Variants in GLB1 observed in about 807,000 individuals in gnomAD.
The protein encoded by GLB1 is galactosidase beta 1.
GLB1 carries 56 observed loss-of-function variants against 74.0 expected under a neutral mutation model. That is an observed-to-expected ratio of 0.76 (90% CI 0.61 to 0.94). The LOEUF (loss-of-function observed/expected upper bound fraction) is 0.94, where lower values mean the gene tolerates loss of function less well. Ranked by LOEUF, GLB1 falls within the 40% of genes least tolerant of loss-of-function variation. The pLI is 0.00. For synonymous variants in GLB1, 323 were observed against 323.6 expected (o/e 1.00, Z 0.02); for missense variants, 787 against 845.5 (o/e 0.93, Z 0.86).
chr3:32,966,211 G>A, the GLB1 span, among the ~76,000 whole-genome samples: 13 of 152,322 alleles, frequency 8.5e-5, no homozygotes, highest in Non-Finnish European at 1.5e-4. Context: ...GTGTCAGCCC[G>A]TTAAACCAGC....
At chr3:32,982,071 T>G in the GLB1 span, among the ~76,000 whole-genome samples, 1 of 152,184 alleles carries the variant, frequency 6.6e-6, no homozygotes, top group African/African-American at 2.4e-5. Flanking sequence ...CTCAGCACTT[T>G]GGGAGGCTGA....
At chr3:33,059,728 G>T (rs1300225350) in intron 5 of GLB1, among the ~76,000 whole-genome samples, 2 of 152,166 alleles carry the variant, frequency 1.3e-5, no homozygotes, top group African/African-American at 4.8e-5. Context: ...GACCTTGGTT[G>T]GTGTTTATGT....
At chr3:33,079,193 T>C (rs905945450) in intron 1 of GLB1, among the ~76,000 whole-genome samples, 1 of 152,166 alleles carries the variant, frequency 6.6e-6, no homozygotes, top group African/African-American at 2.4e-5. Flanking sequence ...GAGGTAGGTA[T>C]TGCCTGGGAA....
the GLB1 span, among the ~76,000 whole-genome samples, chr3:32,963,904 A>G: frequency 6.6e-6 from 1 of 152,236 alleles, no homozygotes; most frequent in Non-Finnish European, 1.5e-5. Flanking sequence ...ATGATGATGG[A>G]GAACTGACTA....
At chr3:32,971,403 C>T in the GLB1 span, among the ~76,000 whole-genome samples, 10 of 152,178 alleles carry the variant, frequency 6.6e-5, no homozygotes, top group African/African-American at 2.4e-4. Context: ...AGCCAGTGCC[C>T]GAGCTTCCTC....
chr3:32,971,204 C>G, the GLB1 span, among the ~76,000 whole-genome samples: 2 of 152,220 alleles, frequency 1.3e-5, no homozygotes, highest in East Asian at 3.8e-4. Flanking sequence ...ACATGCAATC[C>G]TTTAGATATT....
intron 10 of GLB1, among the ~76,000 whole-genome samples, chr3:33,037,291 C>T (rs1698322184): frequency 6.6e-6 from 1 of 152,106 alleles, no homozygotes; most frequent in Non-Finnish European, 1.5e-5. Flanking sequence ...GGTGATCTGC[C>T]TGCCTCGGCC....
At chr3:33,091,798 A>C in intron 1 of GLB1, 1 of 985,518 alleles carries the variant, frequency 1.0e-6, no homozygotes, top group South Asian at 4.7e-5. Context: ...TCACAAGCCT[A>C]AATCACCCAG....
chr3:33,058,418 A>C, intron 5 of GLB1, 149 bp from the exon 6 acceptor site: 3 of 1,086,954 alleles, frequency 2.8e-6, no homozygotes, highest in Non-Finnish European at 2.7e-6. Context: ...AGACCTCAAA[A>C]CTGACTAAAA....
intron 15 of GLB1, among the ~76,000 whole-genome samples, chr3:33,007,731 C>T (rs929394453): frequency 6.6e-6 from 1 of 152,162 alleles, no homozygotes; most frequent in African/African-American, 2.4e-5. Flanking sequence ...GGGGTCTGAA[C>T]CCTTTGACAC....
intron 1 of GLB1, chr3:33,096,793 G>T (rs1202513706): frequency 1.2e-5 from 16 of 1,345,856 alleles, no homozygotes; most frequent in South Asian, 1.1e-4. Flanking sequence ...ACGCACAAGC[G>T]ACCGAGCTGC....
chr3:33,051,334 C>A (rs778453942), intron 9 of GLB1, among the ~76,000 whole-genome samples: 1 of 150,328 alleles, frequency 6.7e-6, no homozygotes, highest in Non-Finnish European at 1.5e-5. Context: ...TGGTGGCTCA[C>A]GCCTGTAATC....
the GLB1 span, among the ~76,000 whole-genome samples, chr3:32,980,762 C>T: frequency 3.3e-5 from 5 of 151,606 alleles, no homozygotes; most frequent in African/African-American, 9.7e-5. Context: ...GACTGGGCCA[C>T]AGAGTGAGAC....
At chr3:33,096,069 G>A (rs929620687) in intron 1 of GLB1, among the ~76,000 whole-genome samples, 7 of 152,126 alleles carry the variant, frequency 4.6e-5, no homozygotes, top group African/African-American at 1.7e-4. Context: ...GTTATTAAAG[G>A]GTGTAACTTA....
chr3:33,004,381 G>A (rs142759979), intron 15 of GLB1, among the ~76,000 whole-genome samples: 55 of 152,304 alleles, frequency 3.6e-4, no homozygotes, highest in South Asian at 8.3e-4. Flanking sequence ...AACTGTTGTC[G>A]TTTTAATCCA....
intron 10 of GLB1, among the ~76,000 whole-genome samples, chr3:33,027,076 T>C (rs569994251): frequency 1.3e-5 from 2 of 152,344 alleles, no homozygotes; most frequent in East Asian, 3.9e-4. Context: ...TATGGTCCTT[T>C]GGGGAGCCCA....
Position 33,024,315 on chromosome 3 carries a change from A to G in GLB1, c.1079T>C (p.Val360Ala), listed in dbSNP as rs1477914059. The change falls in exon 11 of 16, where the codon GTA becomes GCA. Residue 360 changes from valine to alanine, a missense_variant. By Grantham distance (64) the Val-to-Ala change is moderately conservative (BLOSUM62 0). Transcript: ENST00000307363. ...LRNIIQKFEK[V>A]PEGPIPPSTP... ...AGATGGAGGGATAGGACCTTCTGGT[A>G]CTTTTTCAAACTATAAACCAGAGTA... 8 of 1,612,516 alleles carry G rather than the reference A, an allele frequency of 5.0e-6. No individual in the cohort carries two copies. The highest frequency in any genetic ancestry group is 2.7e-5 in the African/African-American group (2 of 74,848).
At chr3:33,091,220 C>G (rs1700744956) in intron 1 of GLB1, 4 of 985,326 alleles carry the variant, frequency 4.1e-6, no homozygotes, top group African/African-American at 1.7e-5. Flanking sequence ...AATTTCAACT[C>G]AAAGATACAT....
At chr3:33,055,520 G>T (rs1454329331) in intron 6 of GLB1, among the ~76,000 whole-genome samples, 1 of 148,654 alleles carries the variant, frequency 6.7e-6, no homozygotes, top group African/African-American at 2.5e-5. Context: ...GAGTGTAGTG[G>T]CGCAATCTCA....
Sources: allele counts gnomAD v4.1 joint callset (sites outside exome capture counted in the v4.1 genomes callset), GRCh38; gene constraint gnomAD v4.1.1; transcripts MANE v1.5; gene names NCBI Gene and HGNC (gene_info 2026-07-23, HGNC 2026-07-21).